CSMD1: variants seen among roughly 807,000 people sequenced by gnomAD.
CSMD1 encodes CUB and Sushi multiple domains 1, also known as CUB and sushi domain-containing protein 1.
CSMD1 carries 213 observed loss-of-function variants against 417.5 expected under a neutral mutation model. The ratio of observed to expected loss-of-function variants is 0.51; its 90% CI spans 0.46 to 0.57. CSMD1 has a LOEUF of 0.57. CSMD1 is among the 20% of genes least tolerant of loss of function. CSMD1 has a pLI of 0.00. For synonymous variants in CSMD1, 2,862 were observed against 1,736.8 expected (o/e 1.65, Z -16.11); for missense variants, 6,923 against 4,529.7 (o/e 1.53, Z -15.17).
intron 5 of CSMD1, among the ~76,000 whole-genome samples, chr8:3,932,499 G>A (rs564746873): frequency 6.6e-6 from 1 of 150,496 alleles, no homozygotes; most frequent in East Asian, 2.0e-4. Context: ...CTAAGTCTAG[G>A]GAAAGCAGCA....
At chr8:4,848,081 A>T (rs1168573702) in intron 1 of CSMD1, among the ~76,000 whole-genome samples, 2 of 152,030 alleles carry the variant, frequency 1.3e-5, no homozygotes, top group African/African-American at 2.4e-5. Flanking sequence ...GACATGCTGT[A>T]TGGTTTTGCA....
chr8:4,442,846 G>A (rs529066893), intron 2 of CSMD1, among the ~76,000 whole-genome samples: 11 of 152,054 alleles, frequency 7.2e-5, no homozygotes, highest in Non-Finnish European at 1.6e-4. Context: ...TTATTTACAT[G>A]ATTTGAGATG....
At chr8:3,244,200 G>T (rs924469558) in intron 26 of CSMD1, among the ~76,000 whole-genome samples, 1 of 152,172 alleles carries the variant, frequency 6.6e-6, no homozygotes, top group Admixed American at 6.5e-5. Flanking sequence ...TCCTGGCTAG[G>T]CAGAGATGCT....
In CSMD1 at chr8:3,973,979, C is replaced by T. The variant is rs143455380; in HGVS notation, c.818+23924G>A. On this transcript the variant is annotated intron_variant, in intron 5 of 69. Coordinates refer to ENST00000635120, the MANE Select transcript of CSMD1 (RefSeq NM_033225.6). ...GATATCCATTCCCTCAAGCATTTAT[C>T]CATTGAGTTGCAAACAATGCAATTA... 6.9e-3 allele frequency among the ~76,000 whole-genome samples: 1,047 copies of T among 152,246 alleles called. 13 individuals carry two copies. The highest frequency in any genetic ancestry group is 0.023 in the African/African-American group (976 of 41,550).
intron 5 of CSMD1, among the ~76,000 whole-genome samples, chr8:3,834,660 G>C (rs531404624): frequency 6.6e-6 from 1 of 152,060 alleles, no homozygotes; most frequent in Non-Finnish European, 1.5e-5. Context: ...CAAACCTGAT[G>C]GTGGTTTAGG....
chr8:3,772,634 TTTATATACA>T lies in CSMD1; in HGVS notation c.819-18601_819-18593del, dbSNP rs1388737622. On this transcript the variant is annotated intron_variant, in intron 5 of 69. Coordinates refer to ENST00000635120, the MANE Select transcript of CSMD1 (RefSeq NM_033225.6). ...ATTTATATACATATATACACATATATTTATATACATATATACATATATACATACATTTAT... is the reference window on the plus strand; with the variant it reads ...ATTTATATACATATATACACATATATTATATACATATATACATACATTTAT... Among the ~76,000 whole-genome samples the T allele has an allele frequency of 3.4e-4, 36 of 104,690 alleles. 4 individuals are homozygous for T. Among genetic ancestry groups the T allele is most frequent in the African/African-American group, 9.4e-4 (18 of 19,132 alleles). The allele number at this position is 104,690 out of a possible 152,430, so 68.7% of individuals were successfully genotyped here.
chr8:3,663,485 T>G (rs771502442), intron 7 of CSMD1, among the ~76,000 whole-genome samples: 1 of 151,906 alleles, frequency 6.6e-6, no homozygotes, highest in Non-Finnish European at 1.5e-5. Flanking sequence ...GAAAGGAAAA[T>G]GAACCTCAGG....
At chr8:4,128,794 C>G (rs536682686) in intron 3 of CSMD1, among the ~76,000 whole-genome samples, 3 of 152,120 alleles carry the variant, frequency 2.0e-5, no homozygotes, top group Admixed American at 1.3e-4. Context: ...TTGCTGGATA[C>G]TTATATCCTA....
At chr8:4,947,140 A>G (rs991371075) in intron 1 of CSMD1, among the ~76,000 whole-genome samples, 2 of 152,206 alleles carry the variant, frequency 1.3e-5, no homozygotes, top group African/African-American at 4.8e-5. Flanking sequence ...ATAAATTTAT[A>G]TTTAACACAA....
intron 54 of CSMD1, among the ~76,000 whole-genome samples, chr8:2,983,581 G>T (rs1411829864): frequency 6.6e-6 from 1 of 152,202 alleles, no homozygotes; most frequent in East Asian, 1.9e-4. Flanking sequence ...GCTCTGAGAT[G>T]ATTAGAGCAG....
At chr8:4,824,358 T>C in intron 1 of CSMD1, among the ~76,000 whole-genome samples, 1 of 152,118 alleles carries the variant, frequency 6.6e-6, no homozygotes. Context: ...AAAGTCTGAA[T>C]GATATGCAGA....
intron 5 of CSMD1, among the ~76,000 whole-genome samples, chr8:3,809,552 C>A (rs767628099): frequency 6.6e-6 from 1 of 152,108 alleles, no homozygotes; most frequent in Admixed American, 6.5e-5. Context: ...TGCCATGCAT[C>A]GGATTCACTG....
chr8:4,130,802 T>A (rs574003813), intron 3 of CSMD1, among the ~76,000 whole-genome samples: 70 of 151,820 alleles, frequency 4.6e-4, no homozygotes, highest in African/African-American at 1.6e-3. Flanking sequence ...GCTTACAAAT[T>A]ATATATTTGT....
intron 5 of CSMD1, among the ~76,000 whole-genome samples, chr8:3,960,248 C>G (rs978513480): frequency 5.9e-5 from 9 of 152,188 alleles, no homozygotes; most frequent in African/African-American, 2.2e-4. Context: ...TCCTCACATT[C>G]TGGAAACAGC....
chr8:3,071,047 G>A (rs916836174), intron 49 of CSMD1, among the ~76,000 whole-genome samples: 2 of 152,160 alleles, frequency 1.3e-5, no homozygotes, highest in Admixed American at 6.5e-5. Flanking sequence ...CACTGTCACA[G>A]GGCCAGAACA....
intron 7 of CSMD1, among the ~76,000 whole-genome samples, chr8:3,651,903 G>C (rs879373401): frequency 8.7e-5 from 13 of 149,096 alleles, no homozygotes; most frequent in African/African-American, 1.7e-4. Context: ...TACCATCAGA[G>C]TGCTTACCAT....
At chr8:3,236,090 T>C (rs575224892) in intron 26 of CSMD1, among the ~76,000 whole-genome samples, 13 of 151,892 alleles carry the variant, frequency 8.6e-5, no homozygotes, top group African/African-American at 3.1e-4. Flanking sequence ...GCTAATTTTT[T>C]TGTATTTTTA....
chr8:2,941,332 GA>G lies in CSMD1; in HGVS notation c.10535+1139del, dbSNP rs1387684228. Among the ~76,000 whole-genome samples the G allele has an allele frequency of 7.9e-5, 12 of 152,144 alleles. No homozygotes were observed. The East Asian group carries it at 2.3e-3, about 29-fold the overall frequency. ...TTAAAGAGGCTATTTCATGAGTTTT[GA>G]AAAAATAATATCATGACAGTTTTTC... is the stretch of plus-strand genomic sequence containing the variant. On this transcript the variant is annotated intron_variant, in intron 69 of 69. Coordinates refer to ENST00000635120, the MANE Select transcript of CSMD1 (RefSeq NM_033225.6).
chr8:3,287,868 C>G (rs1803274020), intron 25 of CSMD1, among the ~76,000 whole-genome samples: 2 of 147,404 alleles, frequency 1.4e-5, no homozygotes. Flanking sequence ...AGAGGGCATC[C>G]CTCTCTTGTG....
Sources: allele counts gnomAD v4.1 joint callset (sites outside exome capture counted in the v4.1 genomes callset), GRCh38; gene constraint gnomAD v4.1.1; transcripts MANE v1.5; gene names NCBI Gene and HGNC (gene_info 2026-07-23, HGNC 2026-07-21).